LIMD1: variants seen among roughly 807,000 people sequenced by gnomAD.
LIMD1 encodes LIM domain-containing protein 1.
A neutral mutation model predicts 58.4 loss-of-function variants in LIMD1; 23 were observed. The ratio of observed to expected loss-of-function variants is 0.39; its 90% CI spans 0.28 to 0.56. The LOEUF is 0.56. Among genes scored for constraint, LIMD1 ranks in the 20% least tolerant of loss-of-function variants. The pLI is 0.57. For missense variants in LIMD1, 838 were observed against 855.5 expected (o/e 0.98, Z 0.25); for synonymous variants, 334 against 345.5 (o/e 0.97, Z 0.37).
intron 1 of LIMD1, among the ~76,000 whole-genome samples, chr3:45,617,233 GAT>G (rs1701584658): frequency 6.6e-6 from 1 of 151,388 alleles, no homozygotes; most frequent in African/African-American, 2.4e-5. Context: ...TTTTAGTAGA[GAT>G]GGGGTTTCAC....
At chr3:45,636,604 C>T (rs886240685) in intron 2 of LIMD1, among the ~76,000 whole-genome samples, 5 of 152,178 alleles carry the variant, frequency 3.3e-5, no homozygotes, top group Admixed American at 6.5e-5. Flanking sequence ...CAGTTCTCTC[C>T]CCCACTGTGG....
At chr3:45,624,459 G>A (rs2125654964) in intron 1 of LIMD1, among the ~76,000 whole-genome samples, 1 of 152,320 alleles carries the variant, frequency 6.6e-6, no homozygotes, top group East Asian at 1.9e-4. Context: ...TGTAATCCCA[G>A]CACTTTGGGA....
At chr3:45,638,681 G>A (rs1377443463) in intron 2 of LIMD1, among the ~76,000 whole-genome samples, 2 of 152,172 alleles carry the variant, frequency 1.3e-5, no homozygotes, top group Middle Eastern at 3.2e-3. Context: ...GGATTACTGG[G>A]TCAAATGGTA....
intron 1 of LIMD1, among the ~76,000 whole-genome samples, chr3:45,611,361 G>A (rs947382012): frequency 4.6e-5 from 7 of 152,196 alleles, no homozygotes; most frequent in South Asian, 2.1e-4. Flanking sequence ...GGGCTCTGGG[G>A]TCCGAAGCTG....
At chr3:45,630,041 T>C (rs187077497) in intron 1 of LIMD1, among the ~76,000 whole-genome samples, 1 of 152,198 alleles carries the variant, frequency 6.6e-6, no homozygotes, top group Non-Finnish European at 1.5e-5. Context: ...TAAGTCTAAT[T>C]GCAGAGGAAA....
rs1701319252 is a variant in LIMD1 at position 45,594,804 on chromosome 3, C to CACACACACACACGGCACCTGG, written c.-64_-63insGGCACCTGGACACACACACAC. 17 of 313,592 alleles carry CACACACACACACGGCACCTGG rather than the reference C, an allele frequency of 5.4e-5. No homozygotes were observed. The highest frequency in any genetic ancestry group is 3.2e-4 in the African/African-American group (14 of 43,576). The allele number at this position is 313,592 out of a possible 1,614,324, so 19.4% of individuals were successfully genotyped here. On this transcript the variant is annotated 5_prime_UTR_variant, in exon 1 of 8. Coordinates refer to ENST00000273317, the MANE Select transcript of LIMD1 (RefSeq NM_014240.3). ...ACACACACACACACACACACACACACACACACACACACACACACACACACA... is the reference window on the plus strand; with the variant it reads ...ACACACACACACACACACACACACACACACACACACACGGCACCTGGACACACACACACACACACACACACA...
chr3:45,642,947 A>C (rs920416872), intron 2 of LIMD1, among the ~76,000 whole-genome samples: 6 of 152,014 alleles, frequency 3.9e-5, no homozygotes, highest in Non-Finnish European at 8.8e-5. Flanking sequence ...GGCTCTGCCC[A>C]CCCCAGGCGG....
intron 1 of LIMD1, chr3:45,632,470 A>G (rs552846918): frequency 8.7e-4 from 855 of 978,958 alleles, no homozygotes; most frequent in Non-Finnish European, 9.7e-4. Flanking sequence ...GGGGGTGTTC[A>G]GAGATGAATA....
rs1010196448 is a variant in LIMD1, at chr3:45,677,273, C to T, written c.*214C>T. The T allele has an allele frequency of 5.8e-6, 3 of 517,470 alleles. No individual in the cohort carries two copies. The highest frequency in any genetic ancestry group is 2.0e-5 in the African/African-American group (1 of 50,968). 32.1% of individuals were successfully genotyped at this position (517,470 alleles called of 1,614,324 possible). On this transcript the variant is annotated 3_prime_UTR_variant, in exon 8 of 8. Coordinates refer to ENST00000273317, the MANE Select transcript of LIMD1 (RefSeq NM_014240.3). Reference sequence around the variant, plus strand: ...TTCCAAGTGCTTTTCTCTGTTGCCACATTTTCCTCAGGTTACTCAGGAAAA... The same window carrying T: ...TTCCAAGTGCTTTTCTCTGTTGCCATATTTTCCTCAGGTTACTCAGGAAAA...
chr3:45,676,028 G>A (rs374360773), intron 7 of LIMD1, among the ~76,000 whole-genome samples: 172 of 152,252 alleles, frequency 1.1e-3, no homozygotes, highest in African/African-American at 4.1e-3. Context: ...CAGATCACTT[G>A]AGGTCAGGAG....
chr3:45,684,909 T>G lies in LIMD1; in HGVS notation c.*7850T>G, dbSNP rs1335469224. 2 of 152,228 alleles carry G rather than the reference T, an allele frequency of 1.3e-5. No individual in the cohort carries two copies. The highest frequency in any genetic ancestry group is 4.8e-5 in the African/African-American group (2 of 41,452). 9.4% of individuals were successfully genotyped at this position (152,228 alleles called of 1,614,324 possible). On this transcript the variant is annotated 3_prime_UTR_variant, in exon 8 of 8. Coordinates refer to ENST00000273317, the MANE Select transcript of LIMD1 (RefSeq NM_014240.3). Reference sequence around the variant, plus strand: ...CAGCTTGACTTTTCAGGCTGCTTTCTGTTGGAAAAGAAATGGTTTTGGGGG... The same window carrying G: ...CAGCTTGACTTTTCAGGCTGCTTTCGGTTGGAAAAGAAATGGTTTTGGGGG...
At chr3:45,633,514 A>G (rs1278400804) in intron 1 of LIMD1, among the ~76,000 whole-genome samples, 2 of 152,212 alleles carry the variant, frequency 1.3e-5, no homozygotes, top group Middle Eastern at 3.2e-3. Context: ...TGCATCAAGA[A>G]TGGGATGGAT....
intron 2 of LIMD1, among the ~76,000 whole-genome samples, chr3:45,653,452 AAGGCAAGGTTGGACCCCAAGCCTG>A (rs1335825645): frequency 6.6e-6 from 1 of 152,148 alleles, no homozygotes; most frequent in African/African-American, 2.4e-5. Flanking sequence ...GGAAGGGGCA[AAGGCAAGGTTGGACCCCAAGCCTG>A]AGTGCTTTTC....
chr3:45,610,200 C>G (rs529312142), intron 1 of LIMD1, among the ~76,000 whole-genome samples: 3 of 152,118 alleles, frequency 2.0e-5, no homozygotes, highest in Non-Finnish European at 4.4e-5. Context: ...AAAAAGACTT[C>G]TCGAATGAAT....
At chr3:45,598,004 T>A (rs1701374419) in intron 1 of LIMD1, among the ~76,000 whole-genome samples, 1 of 152,222 alleles carries the variant, frequency 6.6e-6, no homozygotes, top group Non-Finnish European at 1.5e-5. Context: ...TTTATTTATT[T>A]TGAGACAAGG....
intron 1 of LIMD1, among the ~76,000 whole-genome samples, chr3:45,624,396 T>C (rs2125654944): frequency 6.6e-6 from 1 of 152,118 alleles, no homozygotes; most frequent in African/African-American, 2.4e-5. Context: ...GCTAGCCTGG[T>C]AGAGCCTTTT....
At chr3:45,636,025 C>T in intron 1 of LIMD1, 125 bp from the exon 2 acceptor site, 1 of 1,545,146 alleles carries the variant, frequency 6.5e-7, no homozygotes, top group Non-Finnish European at 8.7e-7. Context: ...AATGAGTCAT[C>T]CACTGGATTT....
chr3:45,631,127 C>G (rs534832660), intron 1 of LIMD1, among the ~76,000 whole-genome samples: 1 of 152,184 alleles, frequency 6.6e-6, no homozygotes, highest in South Asian at 2.1e-4. Flanking sequence ...TAGCTTGAAA[C>G]CAGGAGGCAG....
rs182056715 is a variant in LIMD1 at position 45,670,161 on chromosome 3, A to G, written c.1641+1805A>G. On this transcript the variant is annotated intron_variant, in intron 4 of 7. Transcript: ENST00000273317. ...TTCCCAGGTATCTTCTAGACTCTGT[A>G]GGGCTCTATTTCTTTAGCAGAATTT... 4.6e-5 allele frequency among the ~76,000 whole-genome samples: 7 copies of G among 152,284 alleles called. No individual in the cohort carries two copies. The South Asian group carries it at 8.3e-4, about 18-fold the overall frequency.
Sources: allele counts gnomAD v4.1 joint callset (sites outside exome capture counted in the v4.1 genomes callset), GRCh38; gene constraint gnomAD v4.1.1; transcripts MANE v1.5; gene names NCBI Gene and HGNC (gene_info 2026-07-23, HGNC 2026-07-21).